The following MEF2A variants were observed in gnomAD, a reference collection of about 807,000 sequenced individuals.
The protein encoded by MEF2A is myocyte-specific enhancer factor 2A.
MEF2A carries 28 observed loss-of-function variants against 55.8 expected under a neutral mutation model. That is an observed-to-expected ratio of 0.50 (90% CI 0.37 to 0.69). The LOEUF is 0.69. Ranked by LOEUF, MEF2A falls within the 30% of genes least tolerant of loss-of-function variation. The pLI, the probability that MEF2A is intolerant of heterozygous loss-of-function variation, is 0.00. For synonymous variants in MEF2A, 239 were observed against 227.1 expected (o/e 1.05, Z -0.47); for missense variants, 528 against 626.2 (o/e 0.84, Z 1.67).
chr15:99,700,638 A>G (rs998170348), intron 8 of MEF2A, among the ~76,000 whole-genome samples: 1 of 152,104 alleles, frequency 6.6e-6, no homozygotes, highest in Non-Finnish European at 1.5e-5. Context: ...TGGTGCTCAG[A>G]TTTTAGTTTC....
intron 3 of MEF2A, among the ~76,000 whole-genome samples, chr15:99,641,729 A>T (rs892198098): frequency 1.3e-5 from 2 of 152,028 alleles, no homozygotes; most frequent in African/African-American, 2.4e-5. Context: ...GTCTTAAAAA[A>T]TTTGTCTTCT....
rs577112168 is a variant in MEF2A, at chr15:99,690,102, C to T, written c.671-139C>T. ...GAAACACTTCTGGTCCCAAGCATTT[C>T]GGACAAGGGATACTCAAACCTGTAG... is the stretch of plus-strand genomic sequence containing the variant. On this transcript the variant is annotated intron_variant, in intron 7 of 11. Coordinates refer to ENST00000557942, the MANE Select transcript of MEF2A (RefSeq NM_001319206.4). 2.8e-4 allele frequency: 210 copies of T among 757,170 alleles called. 2 individuals are homozygous for T. The highest frequency in any genetic ancestry group is 2.4e-3 in the South Asian group (123 of 52,296). 46.9% of individuals were successfully genotyped at this position (757,170 alleles called of 1,614,324 possible).
At chr15:99,710,539 G>T in intron 10 of MEF2A, 95 bp from the exon 11 acceptor site, 1 of 1,487,802 alleles carries the variant, frequency 6.7e-7, no homozygotes, top group South Asian at 1.2e-5. Context: ...CAGCATGGCT[G>T]GCCTCAATGT....
intron 11 of MEF2A, among the ~76,000 whole-genome samples, chr15:99,711,541 G>A (rs1403731404): frequency 6.6e-6 from 1 of 152,140 alleles, no homozygotes; most frequent in East Asian, 1.9e-4. Flanking sequence ...CCAAGAGAGG[G>A]GACAACATAG....
At chr15:99,591,777 ATC>A (rs1969374572) in intron 1 of MEF2A, among the ~76,000 whole-genome samples, 1 of 151,930 alleles carries the variant, frequency 6.6e-6, no homozygotes, top group Non-Finnish European at 1.5e-5. Context: ...TGTTAATTCC[ATC>A]CAGTTACTTT....
intron 2 of MEF2A, among the ~76,000 whole-genome samples, chr15:99,610,775 C>T (rs906715843): frequency 1.3e-5 from 2 of 152,002 alleles, no homozygotes; most frequent in Non-Finnish European, 1.5e-5. Context: ...AGAATTGGCT[C>T]AAAGTGGATC....
At chr15:99,658,240 TAGC>T (rs2048069244) in intron 4 of MEF2A, among the ~76,000 whole-genome samples, 1 of 152,142 alleles carries the variant, frequency 6.6e-6, no homozygotes, top group Non-Finnish European at 1.5e-5. Context: ...GGAATTGACA[TAGC>T]AGAGTTGAAT....
intron 8 of MEF2A, among the ~76,000 whole-genome samples, chr15:99,702,473 G>A (rs1309088089): frequency 6.7e-6 from 1 of 149,842 alleles, no homozygotes; most frequent in Non-Finnish European, 1.5e-5. Flanking sequence ...TGTCACCCAG[G>A]CTGGAGTGCA....
chr15:99,609,326 G>A (rs1044981907), intron 2 of MEF2A, among the ~76,000 whole-genome samples: 17 of 152,196 alleles, frequency 1.1e-4, no homozygotes, highest in African/African-American at 4.1e-4. Context: ...ACCTAAAAAT[G>A]TATAATAACC....
intron 1 of MEF2A, among the ~76,000 whole-genome samples, chr15:99,576,139 A>G (rs1039553625): frequency 6.6e-6 from 1 of 152,184 alleles, no homozygotes; most frequent in African/African-American, 2.4e-5. Flanking sequence ...CAGGTATGCT[A>G]TTGATATTGG....
chr15:99,654,114 T>C (rs1356748625), intron 4 of MEF2A, among the ~76,000 whole-genome samples: 6 of 152,154 alleles, frequency 3.9e-5, no homozygotes, highest in Non-Finnish European at 8.8e-5. Flanking sequence ...ATTAAGTTTT[T>C]AAAAATGGTT....
chr15:99,570,555 G>A (rs1961759201), intron 1 of MEF2A, among the ~76,000 whole-genome samples: 1 of 152,186 alleles, frequency 6.6e-6, no homozygotes, highest in Admixed American at 6.5e-5. Flanking sequence ...TGCGTGACCA[G>A]CAGCATGCAT....
intron 1 of MEF2A, among the ~76,000 whole-genome samples, chr15:99,587,816 G>C (rs1032219743): frequency 1.3e-5 from 2 of 151,954 alleles, no homozygotes; most frequent in Admixed American, 1.3e-4. Context: ...CCACTTCTTA[G>C]TTCCAGTTAC....
chr15:99,661,490 C>T (rs1311577685), intron 4 of MEF2A, among the ~76,000 whole-genome samples: 2 of 149,098 alleles, frequency 1.3e-5, no homozygotes, highest in East Asian at 3.9e-4. Flanking sequence ...CTTACATTGA[C>T]TACTTATAAA....
chr15:99,695,543 G>GTGTGTGTGTGTGTGTGTGTA (rs1555498148), intron 8 of MEF2A, among the ~76,000 whole-genome samples: 2 of 147,530 alleles, frequency 1.4e-5, no homozygotes, highest in Non-Finnish European at 1.5e-5. Context: ...TGTCAGATTT[G>GTGTGTGTGTGTGTGTGTGTA]TGTGTGTGTG....
At chr15:99,688,040 C>A (rs2054636998) in intron 7 of MEF2A, among the ~76,000 whole-genome samples, 1 of 152,310 alleles carries the variant, frequency 6.6e-6, no homozygotes, top group South Asian at 2.1e-4. Flanking sequence ...GTTCACTATT[C>A]TGAATATTTT....
intron 2 of MEF2A, among the ~76,000 whole-genome samples, chr15:99,619,702 C>T (rs1447131160): frequency 6.6e-6 from 1 of 152,012 alleles, no homozygotes. Flanking sequence ...CTTTTGGACC[C>T]CTTTCTTCAA....
At chr15:99,623,805 GTTT>G (rs376836592) in intron 2 of MEF2A, among the ~76,000 whole-genome samples, 2 of 139,140 alleles carry the variant, frequency 1.4e-5, no homozygotes, top group African/African-American at 5.3e-5. Context: ...ATGATCTGCC[GTTT>G]TTTTTTTTTT....
chr15:99,633,002 G>T lies in MEF2A; in HGVS notation c.-118G>T. On this transcript the variant is annotated 5_prime_UTR_variant, in exon 3 of 12. Coordinates refer to ENST00000557942, the MANE Select transcript of MEF2A (RefSeq NM_001319206.4). ...GATCTTGTAGAAAATTTCAGCTGTAGCCCTTGGACTAGAAGCTGAAATAAC... is the reference window on the plus strand; with the variant it reads ...GATCTTGTAGAAAATTTCAGCTGTATCCCTTGGACTAGAAGCTGAAATAAC... 1 of 723,550 alleles carries T rather than the reference G, an allele frequency of 1.4e-6. No homozygotes were observed. Among genetic ancestry groups the T allele is most frequent in the South Asian group, 1.9e-5 (1 of 52,292 alleles). The allele number at this position is 723,550 out of a possible 1,614,324, so 44.8% of individuals were successfully genotyped here. A position where few individuals can be genotyped will look rare whatever the true frequency, so the allele number is the denominator to read the frequency against.
Sources: gnomAD v4.1 joint callset for allele counts (sites outside exome capture counted in the v4.1 genomes callset) on GRCh38, gnomAD v4.1.1 for gene constraint, MANE v1.5 for transcripts, NCBI Gene and HGNC (gene_info 2026-07-23, HGNC 2026-07-21) for gene names.